Variants in TNKS observed in about 807,000 individuals in gnomAD.
The protein encoded by TNKS is poly [ADP-ribose] polymerase tankyrase-1.
A neutral mutation model predicts 135.8 loss-of-function variants in TNKS; 72 were observed. That is an observed-to-expected ratio of 0.53 (90% confidence interval 0.44 to 0.64). The LOEUF is 0.64. Ranked by LOEUF, TNKS falls within the 30% of genes least tolerant of loss-of-function variation. The probability of loss-of-function intolerance (pLI) is 0.00; values close to 1 mark genes in which losing one functional copy is unlikely to be tolerated. For missense variants in TNKS, 1,769 were observed against 1,674.0 expected, an observed-to-expected ratio of 1.06 and a Z score of -0.99; for synonymous variants, 849 against 649.3, an observed-to-expected ratio of 1.31 and a Z score of -4.68.
intron 5 of TNKS, among the ~76,000 whole-genome samples, chr8:9,699,642 T>A (rs748344984): frequency 6.6e-6 from 1 of 152,166 alleles, no homozygotes; most frequent in East Asian, 1.9e-4. Flanking sequence ...TCACCCTTCT[T>A]GTGAATTCAC....
At chr8:9,617,983 GGTTTTTTTTT>G (rs201032387) in intron 3 of TNKS, among the ~76,000 whole-genome samples, 12,282 of 121,148 alleles carry the variant, frequency 0.1, 531 homozygotes, top group South Asian at 0.23. Context: ...TCTCTTTTTT[GGTTTTTTTTT>G]TTTTTTTTTT....
In TNKS at chr8:9,751,762, A is replaced by G; in HGVS notation, c.2986A>G (p.Thr996Ala). The change falls in exon 19 of 27, where the codon ACT becomes GCT. Residue 996 changes from threonine to alanine, a missense_variant. Around this residue, in one of 5 missense-constraint regions of TNKS, gnomAD observed 722 missense variants for 688.9 expected, o/e 1.05. Coordinates refer to ENST00000310430, the MANE Select transcript of TNKS (RefSeq NM_003747.3). ...LSAASSIDNL[T>A]GPLAELAVGG... ...GGCTGCCAGCAGCATAGACAACCTC[A>G]CTGGCCCTTTAGCAGAGTTGGCCGT... 6.2e-7 allele frequency: 1 copy of G among 1,613,740 alleles called. No homozygotes were observed. Among genetic ancestry groups the G allele is most frequent in the Non-Finnish European group, 8.5e-7 (1 of 1,179,798 alleles).
At chr8:9,592,657 C>T (rs1007549187) in intron 2 of TNKS, among the ~76,000 whole-genome samples, 1 of 152,142 alleles carries the variant, frequency 6.6e-6, no homozygotes, top group African/African-American at 2.4e-5. Context: ...CATACGTATT[C>T]TTATTGTCTA....
chr8:9,751,202 A>G (rs527862100), intron 18 of TNKS, among the ~76,000 whole-genome samples: 2 of 152,382 alleles, frequency 1.3e-5, no homozygotes, highest in African/African-American at 4.8e-5. Flanking sequence ...TTATGAATAA[A>G]TGAGCTAAAT....
intron 5 of TNKS, among the ~76,000 whole-genome samples, chr8:9,686,900 T>G (rs1803028531): frequency 1.3e-5 from 2 of 152,058 alleles, no homozygotes; most frequent in South Asian, 4.1e-4. Context: ...CCATGTGAGC[T>G]CTAAAGTACC....
intron 1 of TNKS, among the ~76,000 whole-genome samples, chr8:9,567,673 T>C (rs1380460674): frequency 2.6e-5 from 4 of 152,216 alleles, no homozygotes; most frequent in Non-Finnish European, 5.9e-5. Context: ...CGCCTTGGCC[T>C]CCCAAAGTGG....
chr8:9,751,582 G>C (rs576819715), intron 18 of TNKS, 27 bp from the exon 19 acceptor site: 5 of 1,590,376 alleles, frequency 3.1e-6, no homozygotes, highest in Non-Finnish European at 4.3e-6. Context: ...GTATTTTCAT[G>C]GTTTTTGTTT....
chr8:9,731,214 C>T (rs931583797), intron 14 of TNKS, among the ~76,000 whole-genome samples, 179 bp downstream of exon 14: 3 of 152,112 alleles, frequency 2.0e-5, no homozygotes, highest in African/African-American at 7.2e-5. Context: ...AATCCCAGCA[C>T]TTTGGGAGGC....
At chr8:9,766,195 A>G in intron 24 of TNKS, 44 bp from the exon 25 acceptor site, 1 of 1,542,292 alleles carries the variant, frequency 6.5e-7, no homozygotes. Context: ...TTGAGCTTCT[A>G]GAAAAGTGTT....
At chr8:9,698,097 G>A (rs572217563) in intron 5 of TNKS, among the ~76,000 whole-genome samples, 4 of 152,104 alleles carry the variant, frequency 2.6e-5, no homozygotes, top group Admixed American at 6.5e-5. Context: ...CATGCCCTTT[G>A]CAGCAATATG....
At chr8:9,595,880 A>G (rs1246948089) in intron 2 of TNKS, among the ~76,000 whole-genome samples, 3 of 152,246 alleles carry the variant, frequency 2.0e-5, no homozygotes, top group South Asian at 2.1e-4. Flanking sequence ...TGGGAGGCCA[A>G]AGTGGGAGGA....
chr8:9,678,344 C>G (rs1448054551), intron 3 of TNKS, among the ~76,000 whole-genome samples: 2 of 152,092 alleles, frequency 1.3e-5, no homozygotes, highest in Admixed American at 1.3e-4. Flanking sequence ...AAAGGTAGGT[C>G]TTGGGCTTTG....
intron 2 of TNKS, among the ~76,000 whole-genome samples, chr8:9,613,153 A>G (rs1799523422): frequency 6.6e-6 from 1 of 152,202 alleles, no homozygotes; most frequent in African/African-American, 2.4e-5. Context: ...GCTACAGTTG[A>G]GACAGAGACC....
At chr8:9,749,129 T>C (rs1393361471) in intron 18 of TNKS, among the ~76,000 whole-genome samples, 1 of 152,254 alleles carries the variant, frequency 6.6e-6, no homozygotes, top group African/African-American at 2.4e-5. Context: ...AAGCAAGTCA[T>C]GAAGTCAGCT....
chr8:9,579,499 C>G (rs768942948), intron 1 of TNKS, among the ~76,000 whole-genome samples: 28 of 152,042 alleles, frequency 1.8e-4, no homozygotes, highest in Non-Finnish European at 3.1e-4. Flanking sequence ...TGAGGAGTCT[C>G]GCACTATTGC....
chr8:9,646,300 C>T (rs1800917675), intron 3 of TNKS, among the ~76,000 whole-genome samples: 1 of 151,860 alleles, frequency 6.6e-6, no homozygotes, highest in Non-Finnish European at 1.5e-5. Context: ...TTTCTTTGGC[C>T]TCCAAACGAA....
At chr8:9,619,133 C>G (rs1392954335) in intron 3 of TNKS, among the ~76,000 whole-genome samples, 1 of 152,178 alleles carries the variant, frequency 6.6e-6, no homozygotes, top group Non-Finnish European at 1.5e-5. Context: ...TCAGTCTTAG[C>G]ATCCATGGAC....
chr8:9,614,383 C>G (rs1799564113), intron 2 of TNKS, among the ~76,000 whole-genome samples: 1 of 152,204 alleles, frequency 6.6e-6, no homozygotes, highest in Non-Finnish European at 1.5e-5. Flanking sequence ...TGTCCCAAGT[C>G]TGAAACTCCC....
At chr8:9,684,705 T>C (rs970608187) in intron 5 of TNKS, among the ~76,000 whole-genome samples, 5 of 152,148 alleles carry the variant, frequency 3.3e-5, no homozygotes, top group Non-Finnish European at 7.4e-5. Flanking sequence ...ATTTTGAGTA[T>C]TTCAGGTTTC....
Sources: gnomAD v4.1 joint callset for allele counts (sites outside exome capture counted in the v4.1 genomes callset) on GRCh38, gnomAD v4.1.1 for gene constraint, gnomAD v4.1.1 regional missense constraint, MANE v1.5 for transcripts, NCBI Gene and HGNC (gene_info 2026-07-23, HGNC 2026-07-21) for gene names.